Variants in HS6ST3 observed in about 807,000 individuals in gnomAD.
The protein encoded by HS6ST3 is heparan sulfate 6-O-sulfotransferase 3, also known as heparan-sulfate 6-O-sulfotransferase 3.
A neutral mutation model predicts 36.7 loss-of-function variants in HS6ST3; 12 were observed. That is an observed-to-expected ratio of 0.33 (90% CI 0.21 to 0.53). The LOEUF (loss-of-function observed/expected upper bound fraction) is 0.53. Ranked by LOEUF, HS6ST3 falls within the 20% of genes least tolerant of loss-of-function variation. HS6ST3 has a pLI of 0.95. For missense variants in HS6ST3, 584 were observed against 640.9 expected (o/e 0.91, Z 0.96); for synonymous variants, 240 against 257.5 (o/e 0.93, Z 0.65).
At chr13:96,149,287 T>G (rs74106353) in intron 1 of HS6ST3, among the ~76,000 whole-genome samples, 1,989 of 152,318 alleles carry the variant, frequency 0.013, 51 homozygotes, top group African/African-American at 0.044. Context: ...AGTGCCTGCT[T>G]CGTTATGCTG....
intron 1 of HS6ST3, among the ~76,000 whole-genome samples, chr13:96,259,789 A>G (rs1158954850): frequency 6.6e-6 from 1 of 152,342 alleles, no homozygotes; most frequent in East Asian, 1.9e-4. Context: ...ACTGGAAAAC[A>G]AAATAACTAT....
intron 1 of HS6ST3, among the ~76,000 whole-genome samples, chr13:96,567,848 C>T (rs761289797): frequency 4.6e-5 from 7 of 152,144 alleles, no homozygotes; most frequent in Non-Finnish European, 8.8e-5. Context: ...AAAGGCTTAT[C>T]GTGGCCTACA....
intron 1 of HS6ST3, among the ~76,000 whole-genome samples, chr13:96,144,387 A>G (rs927774582): frequency 1.3e-5 from 2 of 152,088 alleles, no homozygotes; most frequent in African/African-American, 4.8e-5. Context: ...ACATAATTCT[A>G]TGAAGTTAGT....
chr13:96,163,234 T>C (rs1161877307), intron 1 of HS6ST3, among the ~76,000 whole-genome samples: 7 of 142,188 alleles, frequency 4.9e-5, no homozygotes, highest in African/African-American at 1.8e-4. Context: ...TTTTTTTTTT[T>C]TTTTTTTTTT....
rs1875248268 is a variant in HS6ST3, at chr13:96,700,198, G to GTTCCATGATTGT, written c.708-132292_708-132291insTTCCATGATTGT. ...AATAGACTCACAGTTCCATGTAGCT[G>GTTCCATGATTGT]GGGAGGCCCCACAATCATGGCGGAA... On this transcript the variant is annotated intron_variant, in intron 1 of 1. Coordinates refer to ENST00000376705, the MANE Select transcript of HS6ST3 (RefSeq NM_153456.4). Among the ~76,000 whole-genome samples, 2 of 152,156 alleles carry GTTCCATGATTGT rather than the reference G, an allele frequency of 1.3e-5. 1 individual carries two copies. Among genetic ancestry groups the GTTCCATGATTGT allele is most frequent in the South Asian group, 4.1e-4 (2 of 4,828 alleles).
chr13:96,377,159 G>A (rs946257548), intron 1 of HS6ST3, among the ~76,000 whole-genome samples: 5 of 151,208 alleles, frequency 3.3e-5, no homozygotes, highest in Admixed American at 6.6e-5. Context: ...GAGCCCAGGA[G>A]TTCAAGACCA....
intron 1 of HS6ST3, among the ~76,000 whole-genome samples, chr13:96,761,975 G>A (rs1405326417): frequency 6.6e-6 from 1 of 151,634 alleles, no homozygotes; most frequent in African/African-American, 2.4e-5. Flanking sequence ...ATAATATTAT[G>A]GTATATACAC....
chr13:96,474,755 G>A lies in HS6ST3; in HGVS notation c.708-357735G>A, dbSNP rs184779861. ...CCAGGGAGGCTTGTTCAACTTAATA[G>A]GAAAAGAATGAATAGAAAATTATCA... On this transcript the variant is annotated intron_variant, in intron 1 of 1. Transcript: ENST00000376705. Among the ~76,000 whole-genome samples, 74 of 152,108 alleles carry A rather than the reference G, an allele frequency of 4.9e-4. 1 individual carries two copies. The highest frequency in any genetic ancestry group is 6.5e-4 in the Non-Finnish European group (44 of 68,002).
intron 1 of HS6ST3, among the ~76,000 whole-genome samples, chr13:96,753,873 G>T (rs954143954): frequency 3.3e-5 from 5 of 152,020 alleles, no homozygotes; most frequent in Admixed American, 3.3e-4. Flanking sequence ...ATGCTGGAGT[G>T]CAGTGGCATG....
At chr13:96,467,637 A>C (rs1337811770) in intron 1 of HS6ST3, among the ~76,000 whole-genome samples, 3 of 152,178 alleles carry the variant, frequency 2.0e-5, no homozygotes, top group African/African-American at 7.2e-5. Context: ...AATAATTAAT[A>C]ATAAGTGATG....
At chr13:96,738,215 G>A (rs1450031837) in intron 1 of HS6ST3, among the ~76,000 whole-genome samples, 1 of 152,110 alleles carries the variant, frequency 6.6e-6, no homozygotes, top group African/African-American at 2.4e-5. Context: ...ATTCTCAGAC[G>A]TTACCGAAGG....
intron 1 of HS6ST3, among the ~76,000 whole-genome samples, chr13:96,495,996 T>C (rs1013579706): frequency 2.0e-5 from 3 of 152,204 alleles, no homozygotes; most frequent in African/African-American, 4.8e-5. Flanking sequence ...CCCGTGTTAA[T>C]TGGGCCTTGC....
intron 1 of HS6ST3, among the ~76,000 whole-genome samples, chr13:96,216,967 C>T (rs2054429385): frequency 6.6e-6 from 1 of 152,144 alleles, no homozygotes; most frequent in Non-Finnish European, 1.5e-5. Flanking sequence ...TCCTGATTTC[C>T]CTCTGCAGAG....
intron 1 of HS6ST3, among the ~76,000 whole-genome samples, chr13:96,215,187 C>T (rs1441720993): frequency 6.6e-6 from 1 of 152,144 alleles, no homozygotes; most frequent in South Asian, 2.1e-4. Flanking sequence ...AAAATATGGA[C>T]CCGTTTTGTC....
chr13:96,110,325 T>G (rs1164712465), intron 1 of HS6ST3, among the ~76,000 whole-genome samples: 1 of 152,064 alleles, frequency 6.6e-6, no homozygotes, highest in East Asian at 1.9e-4. Context: ...TGTGATCATG[T>G]GGAGGACACC....
At chr13:96,632,876 C>T (rs893575996) in intron 1 of HS6ST3, among the ~76,000 whole-genome samples, 13 of 152,152 alleles carry the variant, frequency 8.5e-5, no homozygotes, top group African/African-American at 3.1e-4. Flanking sequence ...TCTGAATACA[C>T]CAGGCAAGAT....
intron 1 of HS6ST3, among the ~76,000 whole-genome samples, chr13:96,441,759 C>T (rs2055672567): frequency 6.6e-6 from 1 of 151,882 alleles, no homozygotes; most frequent in African/African-American, 2.4e-5. Flanking sequence ...ATACAAAATA[C>T]ATTAGAAGAT....
chr13:96,656,994 T>TGA lies in HS6ST3; in HGVS notation c.708-175495_708-175494insAG, dbSNP rs1383073942. 4.9e-3 allele frequency among the ~76,000 whole-genome samples: 660 copies of TGA among 135,266 alleles called. 4 individuals are homozygous for TGA. Among genetic ancestry groups the TGA allele is most frequent in the Non-Finnish European group, 7.6e-3 (478 of 62,804 alleles). The allele number at this position is 135,266 out of a possible 152,430, so 88.7% of individuals were successfully genotyped here. A position where few individuals can be genotyped will look rare whatever the true frequency, so the allele number is the denominator to read the frequency against. On this transcript the variant is annotated intron_variant, in intron 1 of 1. Coordinates refer to ENST00000376705, the MANE Select transcript of HS6ST3 (RefSeq NM_153456.4). ...GTGTGTGTGTGTGTGTGTGTGTGTG[T>TGA]GTGTGAGAGAGAGAGAGAGAGAGAG... is the stretch of plus-strand genomic sequence containing the variant.
intron 1 of HS6ST3, among the ~76,000 whole-genome samples, chr13:96,798,700 A>T (rs767465241): frequency 2.6e-5 from 4 of 152,108 alleles, no homozygotes; most frequent in Non-Finnish European, 5.9e-5. Flanking sequence ...GGGTAAGGAT[A>T]AAAGATTATA....
Sources: gnomAD v4.1 joint callset for allele counts (sites outside exome capture counted in the v4.1 genomes callset) on GRCh38, gnomAD v4.1.1 for gene constraint, MANE v1.5 for transcripts, NCBI Gene and HGNC (gene_info 2026-07-23, HGNC 2026-07-21) for gene names.